Variants in UBE4B observed in about 807,000 individuals in gnomAD.
UBE4B encodes ubiquitin conjugation factor E4 B.
UBE4B carries 27 observed loss-of-function variants against 148.1 expected under a neutral mutation model. The observed-to-expected ratio is 0.18, with a 90% confidence interval of 0.13 to 0.25. UBE4B has a LOEUF of 0.25. UBE4B is among the 10% of genes least tolerant of loss of function. The pLI is 1.00. For missense variants in UBE4B, 1,170 were observed against 1,662.4 expected (o/e 0.70, Z 5.15); for synonymous variants, 596 against 619.3 (o/e 0.96, Z 0.56).
At chr1:10,143,260 G>C (rs1645812536) in intron 17 of UBE4B, among the ~76,000 whole-genome samples, 1 of 152,146 alleles carries the variant, frequency 6.6e-6, no homozygotes, top group Non-Finnish European at 1.5e-5. Context: ...AAGTTAGCCA[G>C]GCCTGGTGGC....
At chr1:10,069,412 C>T (rs888979377) in intron 1 of UBE4B, among the ~76,000 whole-genome samples, 22 of 152,082 alleles carry the variant, frequency 1.4e-4, no homozygotes, top group Non-Finnish European at 2.9e-5. Flanking sequence ...GGGATGGTAA[C>T]TAAGCAATAC....
chr1:10,053,466 A>C (rs1644094548), intron 1 of UBE4B, among the ~76,000 whole-genome samples: 1 of 135,202 alleles, frequency 7.4e-6, no homozygotes, highest in Non-Finnish European at 1.6e-5. Context: ...TTTTTATTTA[A>C]TTTTTTTGAG....
intron 1 of UBE4B, among the ~76,000 whole-genome samples, chr1:10,040,533 A>C (rs949360216): frequency 1.3e-5 from 2 of 151,546 alleles, no homozygotes; most frequent in Non-Finnish European, 2.9e-5. Context: ...TTGCAAGTTT[A>C]ATTTTGGACC....
intron 5 of UBE4B, among the ~76,000 whole-genome samples, chr1:10,104,000 T>A (rs1055870660): frequency 1.3e-5 from 2 of 152,104 alleles, no homozygotes; most frequent in Non-Finnish European, 2.9e-5. Context: ...GACCTCGTGA[T>A]CTGCCTGCCT....
At chr1:10,148,781 A>G (rs1433764730) in intron 19 of UBE4B, among the ~76,000 whole-genome samples, 1 of 151,992 alleles carries the variant, frequency 6.6e-6, no homozygotes, top group African/African-American at 2.4e-5. Flanking sequence ...CTCTATTGAA[A>G]ATACAAAAAT....
At chr1:10,050,185 C>T (rs1446828387) in intron 1 of UBE4B, among the ~76,000 whole-genome samples, 2 of 152,258 alleles carry the variant, frequency 1.3e-5, no homozygotes, top group South Asian at 4.1e-4. Context: ...AATTCTCCTG[C>T]CTCAGCCTCC....
At position 10,137,396 on chromosome 1, in the gene UBE4B, A is replaced by G. The variant is rs149900579; in HGVS notation, c.2363+191A>G. 2.0e-5 allele frequency among the ~76,000 whole-genome samples: 3 copies of G among 152,214 alleles called. No homozygotes were observed. The East Asian group carries it at 5.8e-4, about 29-fold the overall frequency. ...GTTCTTTACCTGGTGAAGTGATCCAAACCTTGATTTCTGAGAGTTCTGAAC... is the reference window on the plus strand; with the variant it reads ...GTTCTTTACCTGGTGAAGTGATCCAGACCTTGATTTCTGAGAGTTCTGAAC... On this transcript the variant is annotated intron_variant, in intron 17 of 27. Coordinates refer to ENST00000343090, the MANE Select transcript of UBE4B (RefSeq NM_001105562.3).
chr1:10,056,139 C>G (rs1220941901), intron 1 of UBE4B, among the ~76,000 whole-genome samples: 1 of 152,198 alleles, frequency 6.6e-6, no homozygotes, highest in East Asian at 1.9e-4. Flanking sequence ...TTATTCTACA[C>G]TCAGCATGTT....
intron 2 of UBE4B, among the ~76,000 whole-genome samples, chr1:10,084,934 G>A (rs1011970764): frequency 1.3e-5 from 2 of 151,694 alleles, no homozygotes; most frequent in African/African-American, 4.8e-5. Flanking sequence ...AGACTCCTGG[G>A]GCCTAGCGAT....
chr1:10,097,052 A>AAATAATAAT lies in UBE4B; in HGVS notation c.347+1468_347+1476dup, dbSNP rs1553143704. On this transcript the variant is annotated intron_variant, in intron 3 of 27. Transcript: ENST00000343090. ...AGACTCTGCATCAAAAAAAAAAAAA[A>AAATAATAAT]AATAATAATAATAATAATAACCAAA... is the stretch of plus-strand genomic sequence containing the variant. 2.0e-3 allele frequency among the ~76,000 whole-genome samples: 277 copies of AAATAATAAT among 138,526 alleles called. 1 individual carries two copies. The highest frequency in any genetic ancestry group is 2.9e-3 in the Non-Finnish European group (190 of 64,486). 90.9% of individuals were successfully genotyped at this position (138,526 alleles called of 152,430 possible).
intron 9 of UBE4B, among the ~76,000 whole-genome samples, chr1:10,120,996 C>T (rs767743479): frequency 1.3e-5 from 2 of 152,064 alleles, no homozygotes; most frequent in Non-Finnish European, 2.9e-5. Context: ...CTTTAAAAAA[C>T]GTTCCTTGAT....
In UBE4B at chr1:10,103,061, T is replaced by C; in HGVS notation, c.549T>C (p.Leu183=). ...RDRDVIFLSS[L]SAQFKQNPKE... ...GAGATGTCATCTTTCTTTCTTCTCTTTCTGCACAGTTTAAGCAGAACCCAA... is the reference window on the plus strand; with the variant it reads ...GAGATGTCATCTTTCTTTCTTCTCTCTCTGCACAGTTTAAGCAGAACCCAA... The change falls in exon 5 of 28, where the codon CTT becomes CTC. Residue 183 remains leucine, a synonymous_variant. Coordinates refer to ENST00000343090, the MANE Select transcript of UBE4B (RefSeq NM_001105562.3). 1 of 1,612,422 alleles carries C rather than the reference T, an allele frequency of 6.2e-7. No homozygotes were observed. The highest frequency in any genetic ancestry group is 1.1e-5 in the South Asian group (1 of 91,004).
At chr1:10,033,935 A>G (rs923813955) in intron 1 of UBE4B, among the ~76,000 whole-genome samples, 3 of 152,150 alleles carry the variant, frequency 2.0e-5, no homozygotes, top group African/African-American at 7.2e-5. Flanking sequence ...TAGGGTATGA[A>G]CAAGAGGAGA....
chr1:10,158,132 G>A (rs757044747), intron 21 of UBE4B, among the ~76,000 whole-genome samples: 5 of 152,204 alleles, frequency 3.3e-5, no homozygotes, highest in Middle Eastern at 6.8e-3. Flanking sequence ...TCCTAGCCCC[G>A]TTCCTTTAGG....
At chr1:10,053,479 G>A (rs1644095047) in intron 1 of UBE4B, among the ~76,000 whole-genome samples, 1 of 151,654 alleles carries the variant, frequency 6.6e-6, no homozygotes, top group Non-Finnish European at 1.5e-5. Context: ...TTTTTGAGAT[G>A]GAATTTTGCT....
chr1:10,168,124 G>T lies in UBE4B; in HGVS notation c.3199-12G>T. 1.9e-6 allele frequency: 3 copies of T among 1,610,638 alleles called. No individual in the cohort carries two copies. The highest frequency in any genetic ancestry group is 2.5e-6 in the Non-Finnish European group (3 of 1,177,832). The stretch of plus-strand genomic sequence containing the variant: ...ACCGAGCCTTACTCAGCGTCTGTTC[G>T]ATGTGTCCTAGGATCAGCAGCAGGC... On this transcript the variant is annotated splice_polypyrimidine_tract_variant and intron_variant, in intron 23 of 27. Coordinates refer to ENST00000343090, the MANE Select transcript of UBE4B (RefSeq NM_001105562.3). The surrounding 1 kb of genome is among the most constrained non-coding windows in gnomAD (Gnocchi z 4.9).
chr1:10,136,106 G>A (rs1199914536), intron 16 of UBE4B, among the ~76,000 whole-genome samples: 1 of 152,064 alleles, frequency 6.6e-6, no homozygotes, highest in African/African-American at 2.4e-5. Flanking sequence ...ATACCATTTC[G>A]AGATTTAAAT....
intron 1 of UBE4B, among the ~76,000 whole-genome samples, chr1:10,049,293 C>G (rs1365176837): frequency 6.6e-6 from 1 of 152,128 alleles, no homozygotes; most frequent in African/African-American, 2.4e-5. Flanking sequence ...CAGGCTGCAG[C>G]TGGGGACACA....
intron 15 of UBE4B, 63 bp from the exon 16 acceptor site, chr1:10,134,925 A>AC (rs1645652982): frequency 2.8e-6 from 4 of 1,428,116 alleles, no homozygotes; most frequent in East Asian, 4.9e-5. Flanking sequence ...ACAGAGTGAG[A>AC]CCCCATCTCA....
Sources: allele counts gnomAD v4.1 joint callset (sites outside exome capture counted in the v4.1 genomes callset), GRCh38; gene constraint gnomAD v4.1.1; non-coding constraint Gnocchi (gnomAD v3.1); transcripts MANE v1.5; gene names NCBI Gene and HGNC (gene_info 2026-07-23, HGNC 2026-07-21).